The following DCAF17 variants were observed in gnomAD, a reference collection of about 807,000 sequenced individuals.
The protein encoded by DCAF17 is DDB1 and CUL4 associated factor 17.
Under a neutral mutation model 66.0 loss-of-function variants are expected in DCAF17, and 48 were observed. The observed-to-expected ratio is 0.73, with a 90% CI of 0.58 to 0.92. DCAF17 has a LOEUF of 0.92. Ranked by LOEUF, DCAF17 falls within the 40% of genes least tolerant of loss-of-function variation. The probability of loss-of-function intolerance (pLI) is 0.00; values close to 1 mark genes in which losing one functional copy is unlikely to be tolerated. For missense variants in DCAF17, 562 were observed against 622.8 expected (o/e 0.90, Z 1.04); for synonymous variants, 206 against 214.6 (o/e 0.96, Z 0.35).
chr2:171,451,391 A>G (rs1312824311), intron 5 of DCAF17, among the ~76,000 whole-genome samples: 1 of 151,980 alleles, frequency 6.6e-6, no homozygotes, highest in Non-Finnish European at 1.5e-5. Flanking sequence ...GAGAGATGCT[A>G]TCTCTCTCTT....
Position 171,443,673 on chromosome 2 carries a change from A to G in DCAF17, c.321+60A>G, listed in dbSNP as rs574062680. The G allele has an allele frequency of 2.0e-5, 27 of 1,350,722 alleles. No individual in the cohort carries two copies. In the South Asian group the frequency reaches 3.2e-4, roughly 16 times the overall value. The allele number at this position is 1,350,722 out of a possible 1,614,324, so 83.7% of individuals were successfully genotyped here. On this transcript the variant is annotated intron_variant, in intron 3 of 13. Transcript: ENST00000375255. ...CATTTTTAGCCTAGAAGAACCAGTT[A>G]TTATTAACATATTGCATAAAATAAT...
At chr2:171,473,803 A>T in intron 9 of DCAF17, 63 bp from the exon 10 acceptor site, 1 of 1,325,792 alleles carries the variant, frequency 7.5e-7, no homozygotes, top group Non-Finnish European at 1.1e-6. Flanking sequence ...CACTTGGGTT[A>T]GATTTGTAAA....
chr2:171,473,828 C>T, intron 9 of DCAF17, 38 bp from the exon 10 acceptor site: 3 of 1,513,224 alleles, frequency 2.0e-6, no homozygotes, highest in Non-Finnish European at 2.7e-6. Context: ...TTTGATTTTC[C>T]CTTAATCTTT....
At position 171,481,429 on chromosome 2, in the gene DCAF17, C is replaced by T; in HGVS notation, c.*315C>T. On this transcript the variant is annotated 3_prime_UTR_variant, in exon 14 of 14. Transcript: ENST00000375255. ...AATTCCAATTGTTGAGGAGTTAAGT[C>T]ATTGATGGGGTGGGTCATTGATGAG... The T allele has an allele frequency of 2.1e-6, 1 of 474,754 alleles. No homozygotes were observed. Among genetic ancestry groups the T allele is most frequent in the South Asian group, 1.5e-5 (1 of 64,622 alleles). The allele number at this position is 474,754 out of a possible 1,614,324, so 29.4% of individuals were successfully genotyped here. A position where few individuals can be genotyped will look rare whatever the true frequency, so the allele number is the denominator to read the frequency against.
chr2:171,463,107 T>G (rs906042092), intron 8 of DCAF17, among the ~76,000 whole-genome samples: 1 of 152,012 alleles, frequency 6.6e-6, no homozygotes, highest in East Asian at 1.9e-4. Context: ...GGCGAGCACC[T>G]GTGATCCCAG....
intron 3 of DCAF17, chr2:171,447,290 G>T: frequency 8.8e-6 from 2 of 227,998 alleles, no homozygotes; most frequent in South Asian, 4.1e-5. Context: ...AAATAACTAT[G>T]TCTTCATTCT....
In DCAF17 at chr2:171,443,251, G is replaced by A. The variant is rs187461664; in HGVS notation, c.231-272G>A. 27 of 261,734 alleles carry A rather than the reference G, an allele frequency of 1.0e-4. No homozygotes were observed. The Admixed American group carries it at 1.0e-3, about 10-fold the overall frequency. The allele number at this position is 261,734 out of a possible 1,614,324, so 16.2% of individuals were successfully genotyped here. On this transcript the variant is annotated intron_variant, in intron 2 of 13. Transcript: ENST00000375255. ...AACCATTTTTGGAAAACAACGTCCAGGTACGTATATGTATATAAACCAGAA... is the reference window on the plus strand; with the variant it reads ...AACCATTTTTGGAAAACAACGTCCAAGTACGTATATGTATATAAACCAGAA...
At chr2:171,474,290 G>A in intron 10 of DCAF17, 1 of 341,418 alleles carries the variant, frequency 2.9e-6, no homozygotes, top group Admixed American at 4.3e-5. Flanking sequence ...ATTTGTCTTT[G>A]TTCTGAAAGG....
chr2:171,451,972 A>G (rs1559267504), intron 5 of DCAF17, among the ~76,000 whole-genome samples: 1 of 152,308 alleles, frequency 6.6e-6, no homozygotes, highest in South Asian at 2.1e-4. Context: ...GTTTTCCTAC[A>G]GTCTCCAGCC....
At chr2:171,470,859 T>C (rs921968552) in intron 9 of DCAF17, among the ~76,000 whole-genome samples, 1 of 152,096 alleles carries the variant, frequency 6.6e-6, no homozygotes, top group Non-Finnish European at 1.5e-5. Flanking sequence ...TCCACATCTG[T>C]GGATTCAACC....
intron 2 of DCAF17, among the ~76,000 whole-genome samples, chr2:171,439,583 C>G (rs1426495353): frequency 7.4e-6 from 1 of 135,984 alleles, no homozygotes; most frequent in Non-Finnish European, 1.5e-5. Context: ...ATGGTGTCCA[C>G]TTTTCCCAGC....
intron 3 of DCAF17, among the ~76,000 whole-genome samples, chr2:171,446,863 A>G (rs1003620883): frequency 5.9e-5 from 9 of 152,202 alleles, no homozygotes; most frequent in African/African-American, 1.7e-4. Flanking sequence ...AAGATGTTTC[A>G]GATCTTTGAG....
chr2:171,465,937 T>C (rs9646734), intron 8 of DCAF17, among the ~76,000 whole-genome samples: 17,276 of 152,272 alleles, frequency 0.11, 1,155 homozygotes, highest in Non-Finnish European at 0.14. Flanking sequence ...ATACTTTAAA[T>C]ATTTAATCTT....
chr2:171,439,372 C>G (rs1188077349), intron 2 of DCAF17, among the ~76,000 whole-genome samples: 1 of 151,814 alleles, frequency 6.6e-6, no homozygotes. Context: ...TTTTATTGCC[C>G]CAGCTTGGGA....
intron 2 of DCAF17, among the ~76,000 whole-genome samples, chr2:171,440,947 C>A (rs748100010): frequency 6.6e-6 from 1 of 152,144 alleles, no homozygotes; most frequent in Non-Finnish European, 1.5e-5. Flanking sequence ...AGGCTGTTTT[C>A]GTCTTGGACC....
In DCAF17 at chr2:171,459,852, C is replaced by T. The variant is rs551665679; in HGVS notation, c.838+1375C>T. ...GATGCCTTGGACAAACTGAATTAGG[C>T]AGTTGTATGAAAATTCAGCTCTAGC... On this transcript the variant is annotated intron_variant, in intron 8 of 13. Coordinates refer to ENST00000375255, the MANE Select transcript of DCAF17 (RefSeq NM_025000.4). Among the ~76,000 whole-genome samples the T allele has an allele frequency of 1.8e-4, 28 of 152,134 alleles. No homozygotes were observed. In the East Asian group the frequency reaches 3.3e-3, roughly 18 times the overall value.
At chr2:171,456,715 C>G (rs1695281493) in intron 6 of DCAF17, among the ~76,000 whole-genome samples, 4 of 152,056 alleles carry the variant, frequency 2.6e-5, no homozygotes, top group Admixed American at 1.3e-4. Context: ...TAGCTGTATT[C>G]CTAGGTATTT....
intron 5 of DCAF17, among the ~76,000 whole-genome samples, chr2:171,451,475 A>C (rs1694948969): frequency 2.0e-5 from 3 of 152,238 alleles, no homozygotes; most frequent in African/African-American, 7.2e-5. Context: ...AAAGTGGGAT[A>C]GTATAAAAAA....
chr2:171,436,932 G>A (rs1031791790), intron 2 of DCAF17, among the ~76,000 whole-genome samples: 5 of 151,942 alleles, frequency 3.3e-5, no homozygotes, highest in Admixed American at 6.6e-5. Flanking sequence ...GCGCCACCAC[G>A]CCTGGCTAAT....
Sources: gnomAD v4.1 joint callset for allele counts (sites outside exome capture counted in the v4.1 genomes callset) on GRCh38, gnomAD v4.1.1 for gene constraint, MANE v1.5 for transcripts, NCBI Gene and HGNC (gene_info 2026-07-23, HGNC 2026-07-21) for gene names.